AQP10: variants seen among roughly 807,000 people sequenced by gnomAD.
AQP10 encodes the protein aquaporin 10.
In AQP10, 15 loss-of-function variants were observed where a neutral mutation model predicts 21.0. That is an observed-to-expected ratio of 0.71 (90% CI 0.48 to 1.10). AQP10 has a LOEUF of 1.10. AQP10 is among the 50% of genes least tolerant of loss of function. The pLI is 0.00. For synonymous variants in AQP10, 143 were observed against 155.7 expected (o/e 0.92, Z 0.61); for missense variants, 268 against 379.5 (o/e 0.71, Z 2.44).
In AQP10 at chr1:154,323,471, C is replaced by T; in HGVS notation, c.489+112C>T. ...GGGTTGGGTCTATCTTGGCACTCCC[C>T]ACCATCCCCAACTGCCTGTGTTGCA... On this transcript the variant is annotated intron_variant, in intron 4 of 5. Transcript: ENST00000324978. This position sits in a 1 kb window ranked among gnomAD's most constrained non-coding sequence, Gnocchi z 4.5. 1 of 1,486,800 alleles carries T rather than the reference C, an allele frequency of 6.7e-7. No homozygotes were observed. The highest frequency in any genetic ancestry group is 9.2e-7 in the Non-Finnish European group (1 of 1,082,272). The allele number at this position is 1,486,800 out of a possible 1,614,324, so 92.1% of individuals were successfully genotyped here. A position where few individuals can be genotyped will look rare whatever the true frequency, so the allele number is the denominator to read the frequency against.
At chr1:154,321,627 T>C (rs1212597794) in intron 1 of AQP10, among the ~76,000 whole-genome samples, 1 of 152,238 alleles carries the variant, frequency 6.6e-6, no homozygotes, top group Non-Finnish European at 1.5e-5. Flanking sequence ...CTTTTAAAAT[T>C]GGCTTTGATG....
At position 154,323,149 on chromosome 1, in the gene AQP10, T is replaced by C. The variant is rs1558264210; in HGVS notation, c.370+30T>C. Reference sequence around the variant, plus strand: ...CAGAGGGAACAGAGGGAGCTGTGCCTTGAGAGCACCTGTGGGTGGGCAGGG... The same window carrying C: ...CAGAGGGAACAGAGGGAGCTGTGCCCTGAGAGCACCTGTGGGTGGGCAGGG... On this transcript the variant is annotated intron_variant, in intron 3 of 5. Coordinates refer to ENST00000324978, the MANE Select transcript of AQP10 (RefSeq NM_080429.3). This position sits in a 1 kb window ranked among gnomAD's most constrained non-coding sequence, Gnocchi z 4.5. The C allele has an allele frequency of 6.2e-7, 1 of 1,614,102 alleles. No individual in the cohort carries two copies. The highest frequency in any genetic ancestry group is 1.6e-4 in the Middle Eastern group (1 of 6,062).
chr1:154,321,228 C>A lies in AQP10; in HGVS notation c.73C>A (p.Leu25Met). The change falls in exon 1 of 6, where the codon CTG becomes ATG. Residue 25 changes from leucine (L) to methionine (M), a missense_variant. This residue lies in a region of AQP10 where 33 missense variants were observed against 47.1 expected (regional missense o/e 0.70). Coordinates refer to ENST00000324978, the MANE Select transcript of AQP10 (RefSeq NM_080429.3). ...RIRSLLARQCLAEFLGVFVLM... is the reference protein window; with the variant it reads ...RIRSLLARQCMAEFLGVFVLM... The stretch of plus-strand genomic sequence containing the variant: ...ACGCAGCCTCCTGGCCCGGCAGTGC[C>A]TGGCAGAGTTTCTGGGTGTGTTTGT... The A allele has an allele frequency of 6.2e-7, 1 of 1,613,814 alleles. No individual in the cohort carries two copies. The highest frequency in any genetic ancestry group is 1.7e-5 in the Admixed American group (1 of 59,996).
At chr1:154,321,842 T>C in intron 1 of AQP10, 91 bp from the exon 2 acceptor site, 2 of 1,562,990 alleles carry the variant, frequency 1.3e-6, no homozygotes, top group East Asian at 4.7e-5. Context: ...CTGTGCTCAT[T>C]CATCTCCTTG....
At position 154,324,301 on chromosome 1, in the gene AQP10, T is replaced by C. The variant is rs746430315; in HGVS notation, c.727T>C (p.Trp243Arg). The C allele has an allele frequency of 1.3e-6, 2 of 1,555,218 alleles. No homozygotes were observed. The highest frequency in any genetic ancestry group is 1.7e-6 in the Non-Finnish European group (2 of 1,156,264). The change falls in exon 6 of 6, where the codon TGG becomes CGG. Residue 243 changes from tryptophan to arginine, a missense_variant. Trp to Arg is a moderately radical substitution (Grantham distance 101). Transcript: ENST00000324978. The stretch of plus-strand genomic sequence containing the variant: ...TTGCAGTGCTGGTAATGGCTGGTGG[T>C]GGGTGCCTGTGGTGGCCCCTCTGGT... ...EVFSAGNGWW[W>R]VPVVAPLVGA...
In AQP10 at chr1:154,324,494, C is replaced by T. The variant is rs1157716390; in HGVS notation, c.*14C>T. On this transcript the variant is annotated 3_prime_UTR_variant, in exon 6 of 6. Transcript: ENST00000324978. ...TGTAAGCTATGATTAGGACAACCCT[C>T]ACTTCACTCATGGACCCTGGAGCCA... The T allele has an allele frequency of 6.2e-7, 1 of 1,610,752 alleles. No individual in the cohort carries two copies. The highest frequency in any genetic ancestry group is 8.5e-7 in the Non-Finnish European group (1 of 1,178,570).
intron 2 of AQP10, among the ~76,000 whole-genome samples, chr1:154,322,489 C>CTTCTTTTT (rs376265152): frequency 5.9e-5 from 7 of 117,856 alleles, no homozygotes; most frequent in African/African-American, 9.6e-5. Flanking sequence ...GTGTCTTCTT[C>CTTCTTTTT]TTTTTTTTTT....
chr1:154,323,207 A>G lies in AQP10; in HGVS notation c.371-34A>G. 1 of 1,613,730 alleles carries G rather than the reference A, an allele frequency of 6.2e-7. No individual in the cohort carries two copies. The highest frequency in any genetic ancestry group is 8.5e-7 in the Non-Finnish European group (1 of 1,179,654). ...AGAATGGTTTTGGATGAATGAGCAA[A>G]GAGGGAAATCCTGGGTGTTCCCTTC... is the stretch of plus-strand genomic sequence containing the variant. On this transcript the variant is annotated intron_variant, in intron 3 of 5. Transcript: ENST00000324978. This position sits in a 1 kb window ranked among gnomAD's most constrained non-coding sequence, Gnocchi z 4.5.
intron 1 of AQP10, among the ~76,000 whole-genome samples, chr1:154,321,630 C>T (rs1312985790): frequency 6.6e-6 from 1 of 152,150 alleles, no homozygotes; most frequent in Non-Finnish European, 1.5e-5. Flanking sequence ...TTAAAATTGG[C>T]TTTGATGGAA....
Position 154,323,525 on chromosome 1 carries a change from T to A in AQP10, c.490-64T>A, listed in dbSNP as rs1685691910. ...AGCCAGATGACATGGAATATTTGGA[T>A]GAGAGAGGGCAGATGGAGCACCTGG... On this transcript the variant is annotated intron_variant, in intron 4 of 5. Coordinates refer to ENST00000324978, the MANE Select transcript of AQP10 (RefSeq NM_080429.3). The surrounding 1 kb of genome is among the most constrained non-coding windows in gnomAD (Gnocchi z 4.5). 1 of 1,562,170 alleles carries A rather than the reference T, an allele frequency of 6.4e-7. No homozygotes were observed. The highest frequency in any genetic ancestry group is 1.4e-5 in the African/African-American group (1 of 73,830).
chr1:154,323,626 C>A lies in AQP10; in HGVS notation c.527C>A (p.Ala176Asp). ...GTGMLIVGLL[A>D]ILDRRNKGVP... ...GGGATGCTGATTGTGGGGCTCTTGGCCATCCTGGACAGACGGAACAAGGGA... is the reference window on the plus strand; with the variant it reads ...GGGATGCTGATTGTGGGGCTCTTGGACATCCTGGACAGACGGAACAAGGGA... The change falls in exon 5 of 6, where the codon GCC becomes GAC. Residue 176 changes from alanine (A) to aspartate (D), a missense_variant. Around this residue, in one of 3 missense-constraint regions of AQP10, gnomAD observed 229 missense variants for 295.1 expected, o/e 0.78. Coordinates refer to ENST00000324978, the MANE Select transcript of AQP10 (RefSeq NM_080429.3). The surrounding 1 kb of genome is among the most constrained non-coding windows in gnomAD (Gnocchi z 4.5). 6.2e-7 allele frequency: 1 copy of A among 1,614,124 alleles called. No homozygotes were observed. Among genetic ancestry groups the A allele is most frequent in the Non-Finnish European group, 8.5e-7 (1 of 1,179,966 alleles).
rs142033874 is a variant in AQP10 at position 154,322,304 on chromosome 1, C to G, written c.232+245C>G. Among the ~76,000 whole-genome samples, 1,045 of 152,232 alleles carry G rather than the reference C, an allele frequency of 6.9e-3. 13 individuals carry two copies. The highest frequency in any genetic ancestry group is 0.023 in the African/African-American group (958 of 41,524). ...ATCAATGGCAGGGCACGAAGGGCAG[C>G]TGCTATCCTCTTGTATCCCCCACCT... On this transcript the variant is annotated intron_variant, in intron 2 of 5. Coordinates refer to ENST00000324978, the MANE Select transcript of AQP10 (RefSeq NM_080429.3).
chr1:154,322,907 C>T, intron 2 of AQP10, 75 bp from the exon 3 acceptor site: 2 of 1,561,366 alleles, frequency 1.3e-6, no homozygotes, highest in South Asian at 2.2e-5. Flanking sequence ...TAGGAAGGAG[C>T]AGTAGTGTTG....
Position 154,323,426 on chromosome 1 carries a change from T to C in AQP10, c.489+67T>C. 6.5e-7 allele frequency: 1 copy of C among 1,549,290 alleles called. No homozygotes were observed. ...GTTCCTCGGCACCCCAGCCTATTGT[T>C]CAGTCTCTGGGTGGAGTGTGGGTTG... is the stretch of plus-strand genomic sequence containing the variant. On this transcript the variant is annotated intron_variant, in intron 4 of 5. Transcript: ENST00000324978. The surrounding 1 kb of genome is among the most constrained non-coding windows in gnomAD (Gnocchi z 4.5).
rs1323356484 is a variant in AQP10 at position 154,323,820 on chromosome 1, T to C, written c.707+14T>C. On this transcript the variant is annotated intron_variant, in intron 5 of 5. Coordinates refer to ENST00000324978, the MANE Select transcript of AQP10 (RefSeq NM_080429.3). This position sits in a 1 kb window ranked among gnomAD's most constrained non-coding sequence, Gnocchi z 4.5. ...TGAAGTCTTCAGGTGGGAGACAGAC[T>C]CTCCTGGTGCTGGCCTCCACTCACC... 1.2e-6 allele frequency: 2 copies of C among 1,612,836 alleles called. No homozygotes were observed.
rs535904374 is a variant in AQP10 at position 154,324,585 on chromosome 1, G to A, written c.*105G>A. On this transcript the variant is annotated 3_prime_UTR_variant, in exon 6 of 6. Transcript: ENST00000324978. Reference sequence around the variant, plus strand: ...TTGTTAATGTGCCAGAACCTGGGAGGCTTCTCTGTTTATCTGTTTGGCATC... The same window carrying A: ...TTGTTAATGTGCCAGAACCTGGGAGACTTCTCTGTTTATCTGTTTGGCATC... 54 of 1,225,814 alleles carry A rather than the reference G, an allele frequency of 4.4e-5. No individual in the cohort carries two copies. Among genetic ancestry groups the A allele is most frequent in the Non-Finnish European group, 5.7e-5 (50 of 883,206 alleles). The allele number at this position is 1,225,814 out of a possible 1,614,324, so 75.9% of individuals were successfully genotyped here.
rs1570835143 is a variant in AQP10 at position 154,321,236 on chromosome 1, G to A, written c.81G>A (p.Glu27=). 9 of 1,613,696 alleles carry A rather than the reference G, an allele frequency of 5.6e-6. No individual in the cohort carries two copies. In the East Asian group the frequency reaches 1.1e-4, roughly 20 times the overall value. Residue 27 remains glutamate (E), a synonymous_variant, in exon 1 of 6, where the codon GAG becomes GAA. Coordinates refer to ENST00000324978, the MANE Select transcript of AQP10 (RefSeq NM_080429.3). The stretch of plus-strand genomic sequence containing the variant: ...TCCTGGCCCGGCAGTGCCTGGCAGA[G>A]TTTCTGGGTGTGTTTGTACTCATGG... ...RSLLARQCLA[E]FLGVFVLMLL... is the part of the protein sequence containing the mutation.
chr1:154,323,431 C>G lies in AQP10; in HGVS notation c.489+72C>G. 6.5e-7 allele frequency: 1 copy of G among 1,537,708 alleles called. No homozygotes were observed. The highest frequency in any genetic ancestry group is 2.3e-5 in the East Asian group (1 of 44,416). ...TCGGCACCCCAGCCTATTGTTCAGT[C>G]TCTGGGTGGAGTGTGGGTTGGGTCT... On this transcript the variant is annotated intron_variant, in intron 4 of 5. Transcript: ENST00000324978. This position sits in a 1 kb window ranked among gnomAD's most constrained non-coding sequence, Gnocchi z 4.5.
intron 1 of AQP10, 136 bp downstream of exon 1, chr1:154,321,396 C>G (rs568074810): frequency 1.4e-5 from 8 of 569,514 alleles, no homozygotes; most frequent in Non-Finnish European, 2.4e-5. Flanking sequence ...ATCCTCTCGT[C>G]TCTCCTAATC....
Sources: allele counts gnomAD v4.1 joint callset (sites outside exome capture counted in the v4.1 genomes callset), GRCh38; gene constraint gnomAD v4.1.1; regional missense constraint gnomAD v4.1.1; non-coding constraint Gnocchi (gnomAD v3.1); transcripts MANE v1.5; gene names NCBI Gene and HGNC (gene_info 2026-07-23, HGNC 2026-07-21).